Variants in MED12L observed in about 807,000 individuals in gnomAD.
MED12L encodes mediator of RNA polymerase II transcription subunit 12-like protein.
Under a neutral mutation model 281.3 loss-of-function variants are expected in MED12L, and 60 were observed. That is an observed-to-expected ratio of 0.21 (90% CI 0.17 to 0.26). The LOEUF (loss-of-function observed/expected upper bound fraction) is 0.26. Ranked by LOEUF, MED12L falls within the 10% of genes least tolerant of loss-of-function variation. The pLI is 1.00. For synonymous variants in MED12L, 974 were observed against 987.2 expected (o/e 0.99, Z 0.25); for missense variants, 2,146 against 2,680.9 (o/e 0.80, Z 4.41).
intron 36 of MED12L, among the ~76,000 whole-genome samples, chr3:151,386,826 A>C (rs1713463240): frequency 6.6e-6 from 1 of 151,820 alleles, no homozygotes; most frequent in Non-Finnish European, 1.5e-5. Context: ...CACCTGCCTC[A>C]GCCTCCCAAA....
rs1444931235 is a variant in MED12L at position 151,435,832 on chromosome 3, T to TAA, written c.*3029_*3030dup. The TAA allele has an allele frequency of 8.5e-6, 1 of 117,356 alleles. No homozygotes were observed. Among genetic ancestry groups the TAA allele is most frequent in the Non-Finnish European group, 1.7e-5 (1 of 58,820 alleles). The allele number at this position is 117,356 out of a possible 1,614,324, so 7.3% of individuals were successfully genotyped here. On this transcript the variant is annotated 3_prime_UTR_variant, in exon 45 of 45. Coordinates refer to ENST00000687756, the MANE Select transcript of MED12L (RefSeq NM_001393769.1). ...AAATACAGTGAAACTTCATTATATA[T>TAA]AATAGACCTAGACCCTCCCAAGCAT...
Position 151,116,064 on chromosome 3 carries a change from CAAAAAAA to C in MED12L, c.100-257_100-251del, listed in dbSNP as rs59017489. Among the ~76,000 whole-genome samples, 6 of 92,284 alleles carry C rather than the reference CAAAAAAA, an allele frequency of 6.5e-5. No individual in the cohort carries two copies. The East Asian group carries it at 8.7e-4, about 13-fold the overall frequency. The allele number at this position is 92,284 out of a possible 152,430, so 60.5% of individuals were successfully genotyped here. ...GGGCGACAGAGCGAGACTCCATCTC[CAAAAAAA>C]AAAAAAAAAAAAAAAAGAATAGTAT... On this transcript the variant is annotated intron_variant, in intron 2 of 44. Transcript: ENST00000687756.
rs1006026605 is a variant in MED12L, at chr3:151,436,487, AGTTT to A, written c.*3688_*3691del. On this transcript the variant is annotated 3_prime_UTR_variant, in exon 45 of 45. Transcript: ENST00000687756. ...CAAAATAAAAGTGCCTTAAGTTAAA[AGTTT>A]GTTTTGAGATCCATTAAATAAATCA... 9 of 445,292 alleles carry A rather than the reference AGTTT, an allele frequency of 2.0e-5. No individual in the cohort carries two copies. Among genetic ancestry groups the A allele is most frequent in the African/African-American group, 1.0e-4 (5 of 49,752 alleles). 27.6% of individuals were successfully genotyped at this position (445,292 alleles called of 1,614,324 possible). A position where few individuals can be genotyped will look rare whatever the true frequency, so the allele number is the denominator to read the frequency against.
intron 5 of MED12L, among the ~76,000 whole-genome samples, chr3:151,129,915 T>G (rs1045529822): frequency 6.6e-6 from 1 of 152,046 alleles, no homozygotes; most frequent in Non-Finnish European, 1.5e-5. Flanking sequence ...ACTATAGGCG[T>G]GTGTCACCAT....
intron 42 of MED12L, among the ~76,000 whole-genome samples, chr3:151,413,971 T>A (rs1332828569): frequency 6.6e-6 from 1 of 151,738 alleles, no homozygotes; most frequent in Non-Finnish European, 1.5e-5. Context: ...TGCCTCAGCC[T>A]CCTGAGTAGC....
intron 27 of MED12L, among the ~76,000 whole-genome samples, chr3:151,375,805 A>C (rs960265459): frequency 6.6e-6 from 1 of 152,068 alleles, no homozygotes; most frequent in South Asian, 2.1e-4. Context: ...TTTTCCCATT[A>C]AAAAATGTTT....
intron 2 of MED12L, among the ~76,000 whole-genome samples, chr3:151,104,328 A>G (rs1028876235): frequency 3.9e-5 from 6 of 152,206 alleles, no homozygotes; most frequent in African/African-American, 1.4e-4. Context: ...GGAGGCTGGT[A>G]TTAATGCTTT....
intron 43 of MED12L, among the ~76,000 whole-genome samples, chr3:151,424,204 T>G (rs968586259): frequency 6.6e-6 from 1 of 152,208 alleles, no homozygotes; most frequent in African/African-American, 2.4e-5. Flanking sequence ...TTTTTTCTTT[T>G]GGAAGGAAAA....
At chr3:151,323,046 G>A (rs1491981) in intron 16 of MED12L, among the ~76,000 whole-genome samples, 133,075 of 152,204 alleles carry the variant, frequency 0.87, 58,392 homozygotes, top group African/African-American at 0.96. Flanking sequence ...CAAGCTAACG[G>A]TCCTGAGAGA....
intron 16 of MED12L, among the ~76,000 whole-genome samples, chr3:151,331,079 C>T (rs183904275): frequency 9.9e-5 from 15 of 152,276 alleles, no homozygotes; most frequent in Admixed American, 2.0e-4. Context: ...TTTCAAAACA[C>T]TGAAGTGTGG....
At chr3:151,125,936 C>T (rs139039272) in intron 4 of MED12L, among the ~76,000 whole-genome samples, 23 of 152,020 alleles carry the variant, frequency 1.5e-4, no homozygotes, top group African/African-American at 4.8e-4. Context: ...GCAGTGTAAT[C>T]GCCTCTGTCA....
chr3:151,395,886 T>A (rs1714898888), intron 39 of MED12L, among the ~76,000 whole-genome samples: 1 of 152,238 alleles, frequency 6.6e-6, no homozygotes, highest in Admixed American at 6.5e-5. Flanking sequence ...ATCTCCGTTG[T>A]GTAATTTACG....
intron 11 of MED12L, among the ~76,000 whole-genome samples, chr3:151,176,066 T>C (rs1244395351): frequency 6.6e-6 from 1 of 152,192 alleles, no homozygotes; most frequent in African/African-American, 2.4e-5. Context: ...ATATTAAGTT[T>C]CGTTCAGCCC....
intron 16 of MED12L, among the ~76,000 whole-genome samples, chr3:151,296,183 T>C (rs1236229520): frequency 6.6e-6 from 1 of 152,194 alleles, no homozygotes; most frequent in Non-Finnish European, 1.5e-5. Context: ...TTACGCCTAT[T>C]GTATTTATTG....
chr3:151,431,768 A>G (rs1719552511), intron 44 of MED12L, among the ~76,000 whole-genome samples: 1 of 152,130 alleles, frequency 6.6e-6, no homozygotes. Context: ...CTTTTTGTTA[A>G]AGCCATCATT....
chr3:151,086,923 G>C lies in MED12L; in HGVS notation c.-4G>C. On this transcript the variant is annotated 5_prime_UTR_variant, in exon 2 of 45. Coordinates refer to ENST00000687756, the MANE Select transcript of MED12L (RefSeq NM_001393769.1). Reference sequence around the variant, plus strand: ...ATTCATTTCGCCGGTTAACATGAGAGATCATGGCCGCCTTCGGGCTTCTCA... The same window carrying C: ...ATTCATTTCGCCGGTTAACATGAGACATCATGGCCGCCTTCGGGCTTCTCA... The C allele has an allele frequency of 1.9e-6, 3 of 1,587,284 alleles. No individual in the cohort carries two copies. Among genetic ancestry groups the C allele is most frequent in the Non-Finnish European group, 2.6e-6 (3 of 1,167,672 alleles).
chr3:151,203,483 C>A (rs919029039), intron 16 of MED12L, among the ~76,000 whole-genome samples: 1 of 149,646 alleles, frequency 6.7e-6, no homozygotes, highest in African/African-American at 2.5e-5. Flanking sequence ...CTCTTCATGC[C>A]TTGATGGGGA....
intron 16 of MED12L, among the ~76,000 whole-genome samples, chr3:151,282,393 G>T (rs1742939727): frequency 6.6e-6 from 1 of 151,550 alleles, no homozygotes; most frequent in Non-Finnish European, 1.5e-5. Context: ...TTGCTGGCAA[G>T]TTATTTATAA....
At chr3:151,245,129 A>G (rs1458794281) in intron 16 of MED12L, among the ~76,000 whole-genome samples, 1 of 152,254 alleles carries the variant, frequency 6.6e-6, no homozygotes, top group Non-Finnish European at 1.5e-5. Context: ...AATAACCAAT[A>G]GCTTAGCAAC....
Sources: allele counts gnomAD v4.1 joint callset (sites outside exome capture counted in the v4.1 genomes callset), GRCh38; gene constraint gnomAD v4.1.1; transcripts MANE v1.5; gene names NCBI Gene and HGNC (gene_info 2026-07-23, HGNC 2026-07-21).